Variants in TMEM181 observed in about 807,000 individuals in gnomAD.
The protein encoded by TMEM181 is transmembrane protein 181, also known as G protein-coupled receptor 178.
A neutral mutation model predicts 71.9 loss-of-function variants in TMEM181; 39 were observed. The ratio of observed to expected loss-of-function variants is 0.54; its 90% CI spans 0.42 to 0.71. TMEM181 has a LOEUF of 0.71. TMEM181 is among the 30% of genes least tolerant of loss of function. The pLI, the probability that TMEM181 is intolerant of heterozygous loss-of-function variation, is 0.00. For synonymous variants in TMEM181, 245 were observed against 228.8 expected, an observed-to-expected ratio of 1.07 and a Z score of -0.64; for missense variants, 595 against 583.0, an observed-to-expected ratio of 1.02 and a Z score of -0.21.
At chr6:158,571,283 A>G (rs185229423) in intron 1 of TMEM181, among the ~76,000 whole-genome samples, 1,546 of 147,192 alleles carry the variant, frequency 0.011, 16 homozygotes, top group South Asian at 0.024. Context: ...TTTTTTAGTA[A>G]AGACGGGGTT....
At chr6:158,622,282 A>G (rs920787535) in intron 10 of TMEM181, among the ~76,000 whole-genome samples, 1 of 152,212 alleles carries the variant, frequency 6.6e-6, no homozygotes, top group Admixed American at 6.5e-5. Flanking sequence ...TCTCTTTTTC[A>G]AAATATCCTG....
At chr6:158,598,579 C>T (rs963966531) in intron 6 of TMEM181, among the ~76,000 whole-genome samples, 2 of 151,754 alleles carry the variant, frequency 1.3e-5, no homozygotes, top group African/African-American at 4.8e-5. Flanking sequence ...CTTGCTACAT[C>T]GTTGTCATTT....
At chr6:158,559,893 T>C (rs6937712), upstream of TMEM181, among the ~76,000 whole-genome samples, 4,159 of 152,308 alleles carry the variant, frequency 0.027, 208 homozygotes, top group African/African-American at 0.095. Flanking sequence ...AGTCATTCAT[T>C]CACTCATTCC....
At chr6:158,590,376 C>CAA (rs11405629) in intron 6 of TMEM181, among the ~76,000 whole-genome samples, 2,090 of 148,408 alleles carry the variant, frequency 0.014, 26 homozygotes, top group Middle Eastern at 0.045. Flanking sequence ...TGGATACCTT[C>CAA]AAAAAAAAAA....
At chr6:158,623,678 CTTAAA>C in intron 11 of TMEM181, 71 bp downstream of exon 11, 1 of 1,140,426 alleles carries the variant, frequency 8.8e-7, no homozygotes, top group Non-Finnish European at 1.3e-6. Context: ...AATTTTGTGA[CTTAAA>C]TTGTTCTGTT....
At chr6:158,546,899 G>T (rs1314012002) in intron 1 of TMEM181, among the ~76,000 whole-genome samples, 1 of 152,214 alleles carries the variant, frequency 6.6e-6, no homozygotes, top group South Asian at 2.1e-4. Context: ...GGTGGAGGTT[G>T]CAGTGAGCCG....
chr6:158,555,112 T>G (rs2128282460), upstream of TMEM181, among the ~76,000 whole-genome samples: 1 of 152,334 alleles, frequency 6.6e-6, no homozygotes, highest in South Asian at 2.1e-4. Flanking sequence ...GTATCTTTTG[T>G]TTGCCCATCT....
At chr6:158,565,284 C>G (rs550138342) in intron 1 of TMEM181, among the ~76,000 whole-genome samples, 3 of 152,350 alleles carry the variant, frequency 2.0e-5, no homozygotes, top group Non-Finnish European at 2.9e-5. Context: ...TTTCTGAACC[C>G]CTCGTGAGCC....
intron 6 of TMEM181, 136 bp from the exon 7 acceptor site, chr6:158,605,131 A>AAAGT: frequency 2.5e-5 from 4 of 159,678 alleles, no homozygotes; most frequent in South Asian, 7.5e-5. Context: ...AAAAAAAAAA[A>AAAGT]GTGTGTGTGT....
At chr6:158,584,690 A>G (rs769917207) in intron 4 of TMEM181, among the ~76,000 whole-genome samples, 12 of 152,362 alleles carry the variant, frequency 7.9e-5, no homozygotes, top group Non-Finnish European at 1.5e-4. Context: ...AAGAATTTGA[A>G]AAGATAACCC....
chr6:158,556,943 T>C (rs1423175989), upstream of TMEM181, among the ~76,000 whole-genome samples: 1 of 152,138 alleles, frequency 6.6e-6, no homozygotes, highest in African/African-American at 2.4e-5. Flanking sequence ...TTGTATTTTG[T>C]TGGCCAAGCT....
chr6:158,623,206 T>C (rs1382004319), intron 10 of TMEM181, among the ~76,000 whole-genome samples: 1 of 152,232 alleles, frequency 6.6e-6, no homozygotes, highest in African/African-American at 2.4e-5. Context: ...TTTGTTTTCT[T>C]GTCTATTTCC....
chr6:158,607,451 G>T, intron 8 of TMEM181, 108 bp downstream of exon 8: 1 of 997,768 alleles, frequency 1.0e-6, no homozygotes, highest in Non-Finnish European at 1.6e-6. Context: ...GCTGGGGCAG[G>T]AGGACTGCTT....
intron 1 of TMEM181, among the ~76,000 whole-genome samples, chr6:158,569,947 C>CA (rs1782713154): frequency 1.3e-5 from 2 of 152,210 alleles, no homozygotes; most frequent in Admixed American, 6.5e-5. Flanking sequence ...CGTTCCTTCT[C>CA]ATTTGCTAAA....
At chr6:158,594,481 A>T (rs75355522) in intron 6 of TMEM181, among the ~76,000 whole-genome samples, 6,694 of 152,142 alleles carry the variant, frequency 0.044, 334 homozygotes, top group East Asian at 0.15. Flanking sequence ...TCACTAAGTT[A>T]TATGCATTTT....
upstream of TMEM181, among the ~76,000 whole-genome samples, chr6:158,557,052 A>G (rs1781918367): frequency 6.6e-6 from 1 of 152,144 alleles, no homozygotes; most frequent in African/African-American, 2.4e-5. Flanking sequence ...TTTTTAATAC[A>G]AGTGACTCCA....
chr6:158,595,472 C>T (rs1238314097), intron 6 of TMEM181, among the ~76,000 whole-genome samples: 1 of 152,098 alleles, frequency 6.6e-6, no homozygotes, highest in African/African-American at 2.4e-5. Context: ...GTATATTGAC[C>T]AAAAGACTTG....
chr6:158,558,082 G>A (rs543942385), upstream of TMEM181, among the ~76,000 whole-genome samples: 6 of 152,202 alleles, frequency 3.9e-5, no homozygotes, highest in Non-Finnish European at 7.3e-5. Flanking sequence ...AGCAAATCCA[G>A]GGAGATCTGA....
intron 10 of TMEM181, among the ~76,000 whole-genome samples, chr6:158,612,604 T>C (rs905009437): frequency 6.6e-6 from 1 of 152,386 alleles, no homozygotes; most frequent in East Asian, 1.9e-4. Context: ...TTGGTTGTTT[T>C]GGTATTCGCT....
Sources: gnomAD v4.1 joint callset for allele counts (sites outside exome capture counted in the v4.1 genomes callset) on GRCh38, gnomAD v4.1.1 for gene constraint, MANE v1.5 for transcripts, NCBI Gene and HGNC (gene_info 2026-07-23, HGNC 2026-07-21) for gene names.